The following KRABD2 variants were observed in gnomAD, a reference collection of about 807,000 sequenced individuals.
KRABD2 encodes the protein KRAB domain containing 2, also known as KRAB domain-containing protein 2.
chr17:8,363,851 ATATATATATATTTATT>A, the KRABD2 span, among the ~76,000 whole-genome samples: 15 of 84,508 alleles, frequency 1.8e-4, 1 homozygote, highest in East Asian at 5.8e-4. Flanking sequence ...ATATATATAT[ATATATATATATTTATT>A]TATTTATTTA....
the KRABD2 span, chr17:8,369,001 G>A: frequency 7.2e-7 from 1 of 1,391,598 alleles, no homozygotes; most frequent in Admixed American, 2.9e-5. Context: ...TTGTCTTTTT[G>A]AGCAAGGACT....
the KRABD2 span, chr17:8,373,674 AG>A: frequency 3.8e-5 from 5 of 131,376 alleles, no homozygotes; most frequent in African/African-American, 1.6e-4. Context: ...CCGGCCGCCC[AG>A]TCTGGGAAGT....
chr17:8,368,877 C>T, the KRABD2 span: 2 of 459,550 alleles, frequency 4.4e-6, no homozygotes, highest in Admixed American at 4.0e-5. Flanking sequence ...TCTCAAGTGA[C>T]CCGCCCACCT....
chr17:8,374,485 T>C, the KRABD2 span, among the ~76,000 whole-genome samples: 2 of 152,018 alleles, frequency 1.3e-5, no homozygotes, highest in African/African-American at 4.8e-5. Flanking sequence ...ACACAAACAC[T>C]GCGGAAGGCC....
the KRABD2 span, chr17:8,369,950 C>T: frequency 3.1e-6 from 5 of 1,614,168 alleles, no homozygotes; most frequent in Non-Finnish European, 4.2e-6. Context: ...TGGTGACATT[C>T]CCATATTTTC....
the KRABD2 span, among the ~76,000 whole-genome samples, chr17:8,362,052 C>T: frequency 2.6e-5 from 4 of 152,074 alleles, no homozygotes; most frequent in South Asian, 2.1e-4. The surrounding 1 kb of genome is among the most constrained non-coding windows in gnomAD (Gnocchi z 4.2). Flanking sequence ...TAAGGCCAGG[C>T]GTGGTGGCTC....
chr17:8,374,295 C>T, the KRABD2 span, among the ~76,000 whole-genome samples: 12 of 152,204 alleles, frequency 7.9e-5, no homozygotes, highest in Non-Finnish European at 1.8e-4. Context: ...AATTCTTCTG[C>T]CTTGGGATGC....
the KRABD2 span, among the ~76,000 whole-genome samples, chr17:8,363,438 G>C: frequency 6.6e-6 from 1 of 152,010 alleles, no homozygotes; most frequent in Admixed American, 6.6e-5. Context: ...TGCAACCTCC[G>C]CCTCCTAGAT....
At chr17:8,376,678 A>G in the KRABD2 span, 1 of 983,648 alleles carries the variant, frequency 1.0e-6, no homozygotes, top group Non-Finnish European at 1.2e-6. Context: ...ATCCCCCTCC[A>G]CCCAGAGGCC....
the KRABD2 span, among the ~76,000 whole-genome samples, chr17:8,360,784 C>G: frequency 2.0e-5 from 3 of 152,132 alleles, no homozygotes; most frequent in Admixed American, 6.6e-5. Flanking sequence ...AAACCTTTCC[C>G]CCTTACAATT....
chr17:8,371,527 G>T, the KRABD2 span: 2 of 1,602,714 alleles, frequency 1.2e-6, no homozygotes, highest in South Asian at 2.2e-5. Context: ...CACCAGGAAT[G>T]AAGGCATGCA....
chr17:8,367,922 A>G, the KRABD2 span, among the ~76,000 whole-genome samples: 2 of 148,806 alleles, frequency 1.3e-5, no homozygotes, highest in Non-Finnish European at 3.0e-5. Context: ...ACACCCAAGA[A>G]TGATCAATTA....
At chr17:8,376,614 GCA>G in the KRABD2 span, 1 of 985,852 alleles carries the variant, frequency 1.0e-6, no homozygotes, top group Non-Finnish European at 1.2e-6. Context: ...GAAAAGAGCT[GCA>G]GACTGAGGAA....
At chr17:8,373,390 G>A in the KRABD2 span, 1 of 166,156 alleles carries the variant, frequency 6.0e-6, no homozygotes, top group South Asian at 1.3e-4. Flanking sequence ...TGGCCGGGCT[G>A]GTCTCCAGCT....
At chr17:8,370,169 T>G in the KRABD2 span, 7 of 1,613,040 alleles carry the variant, frequency 4.3e-6, no homozygotes, top group Non-Finnish European at 5.9e-6. Context: ...ACTTCTTCCC[T>G]TTTTCTTTAG....
the KRABD2 span, among the ~76,000 whole-genome samples, chr17:8,374,672 C>T: frequency 8.1e-4 from 119 of 146,436 alleles, no homozygotes; most frequent in African/African-American, 2.5e-3. Flanking sequence ...TTCGGCCGGG[C>T]GTGGGGGCTC....
the KRABD2 span, among the ~76,000 whole-genome samples, chr17:8,363,802 T>TATATATGTCATAC: frequency 7.6e-5 from 10 of 131,640 alleles, no homozygotes; most frequent in East Asian, 2.0e-4. Flanking sequence ...ATATCATACA[T>TATATATGTCATAC]ATATATATCA....
the KRABD2 span, among the ~76,000 whole-genome samples, chr17:8,374,591 CCT>C: frequency 1.3e-5 from 2 of 149,638 alleles, no homozygotes; most frequent in Admixed American, 6.7e-5. Context: ...GCCAAATCCC[CCT>C]CTCTGAGAAA....
the KRABD2 span, chr17:8,373,916 T>G: frequency 6.6e-6 from 1 of 152,092 alleles, no homozygotes; most frequent in Non-Finnish European, 1.4e-5. Flanking sequence ...GTCTGAGAAG[T>G]GAGGAGCCCC....
Sources: gnomAD v4.1 joint callset for allele counts (sites outside exome capture counted in the v4.1 genomes callset) on GRCh38, gnomAD v4.1.1 for gene constraint, Gnocchi (gnomAD v3.1) non-coding constraint, MANE v1.5 for transcripts, NCBI Gene and HGNC (gene_info 2026-07-23, HGNC 2026-07-21) for gene names.